The following KAT6B variants were observed in gnomAD, a reference collection of about 807,000 sequenced individuals.
KAT6B encodes histone acetyltransferase KAT6B.
KAT6B carries 10 observed loss-of-function variants against 187.5 expected under a neutral mutation model. That is an observed-to-expected ratio of 0.05 (90% CI 0.03 to 0.09). The LOEUF (loss-of-function observed/expected upper bound fraction) is 0.09, where lower values mean the gene tolerates loss of function less well. KAT6B is among the 10% of genes least tolerant of loss of function. The pLI, the probability that KAT6B is intolerant of heterozygous loss-of-function variation, is 1.00. For missense variants in KAT6B, 1,952 were observed against 2,558.9 expected (o/e 0.76, Z 5.12); for synonymous variants, 861 against 926.8 (o/e 0.93, Z 1.29).
chr10:75,010,210 A>G (rs1844500916), intron 13 of KAT6B, among the ~76,000 whole-genome samples: 2 of 152,218 alleles, frequency 1.3e-5, no homozygotes, highest in African/African-American at 4.8e-5. Context: ...AGCATTTGGG[A>G]GATAAATAAA....
chr10:74,853,234 A>G (rs1243018846), intron 3 of KAT6B, among the ~76,000 whole-genome samples: 1 of 144,418 alleles, frequency 6.9e-6, no homozygotes, highest in Non-Finnish European at 1.5e-5. Flanking sequence ...TGATCCTCCC[A>G]CCTCAGCCTC....
intron 3 of KAT6B, among the ~76,000 whole-genome samples, chr10:74,875,683 C>CTCGA (rs1210386825): frequency 6.6e-6 from 1 of 152,100 alleles, no homozygotes; most frequent in East Asian, 1.9e-4. Flanking sequence ...CCAGGCTGAT[C>CTCGA]TCGAACTCCT....
intron 3 of KAT6B, among the ~76,000 whole-genome samples, chr10:74,938,707 CT>C (rs747676160): frequency 5.9e-5 from 9 of 152,040 alleles, no homozygotes; most frequent in Non-Finnish European, 1.0e-4. Flanking sequence ...TTCCTGTTAA[CT>C]CATGGTCTCA....
intron 13 of KAT6B, among the ~76,000 whole-genome samples, chr10:75,016,507 G>C (rs978082334): frequency 6.6e-6 from 1 of 152,212 alleles, no homozygotes; most frequent in Non-Finnish European, 1.5e-5. Flanking sequence ...CTTTTGCTAC[G>C]ATCAAGATAG....
chr10:75,014,796 G>A (rs991183147), intron 13 of KAT6B, among the ~76,000 whole-genome samples: 1 of 152,158 alleles, frequency 6.6e-6, no homozygotes, highest in African/African-American at 2.4e-5. Context: ...TGCACGAAGC[G>A]ATTTGGCAAC....
intron 4 of KAT6B, among the ~76,000 whole-genome samples, chr10:74,968,759 A>G (rs537941640): frequency 6.6e-6 from 1 of 152,276 alleles, no homozygotes; most frequent in South Asian, 2.1e-4. Flanking sequence ...GTGATAAAAG[A>G]CCATTAGATT....
At chr10:74,873,450 AAAATAAATAAAT>A (rs143022282) in intron 3 of KAT6B, among the ~76,000 whole-genome samples, 2 of 149,450 alleles carry the variant, frequency 1.3e-5, no homozygotes, top group African/African-American at 2.5e-5. Flanking sequence ...GAGCAGCAGC[AAAATAAATAAAT>A]AAATAAATAA....
At chr10:75,026,909 G>A (rs1469979301) in intron 17 of KAT6B, among the ~76,000 whole-genome samples, 1 of 152,146 alleles carries the variant, frequency 6.6e-6, no homozygotes, top group Non-Finnish European at 1.5e-5. Context: ...GCCGAGGTAG[G>A]CAGATCACCT....
Position 75,021,835 on chromosome 10 carries a change from T to G in KAT6B, c.3022-46T>G, listed in dbSNP as rs778223608. 5 of 1,608,458 alleles carry G rather than the reference T, an allele frequency of 3.1e-6. No homozygotes were observed. The East Asian group carries it at 8.9e-5, about 29-fold the overall frequency. On this transcript the variant is annotated intron_variant, in intron 15 of 17. Transcript: ENST00000287239. ...CATTGATCCTCAGAGGCTCTGGCTG[T>G]GTAACTGCCCTCTCACTGGCCACCA... is the stretch of plus-strand genomic sequence containing the variant.
Position 74,925,132 on chromosome 10 carries a change from C to T in KAT6B, c.622-34838C>T, listed in dbSNP as rs573459743. On this transcript the variant is annotated intron_variant, in intron 3 of 17. Transcript: ENST00000287239. Reference sequence around the variant, plus strand: ...TCGGCTCACTGCAACCTCTGCCTCCCGGGTTCAAGCAATTCTCCCTACCTC... The same window carrying T: ...TCGGCTCACTGCAACCTCTGCCTCCTGGGTTCAAGCAATTCTCCCTACCTC... Among the ~76,000 whole-genome samples, 6 of 152,230 alleles carry T rather than the reference C, an allele frequency of 3.9e-5. No individual in the cohort carries two copies. The South Asian group carries it at 8.3e-4, about 21-fold the overall frequency.
intron 4 of KAT6B, among the ~76,000 whole-genome samples, chr10:74,964,122 ACT>A (rs1841296786): frequency 6.6e-6 from 1 of 152,094 alleles, no homozygotes; most frequent in Non-Finnish European, 1.5e-5. Flanking sequence ...CAAGAGTGAA[ACT>A]CTGTCTCAAA....
intron 13 of KAT6B, among the ~76,000 whole-genome samples, chr10:75,017,443 G>A (rs1444897336): frequency 1.3e-5 from 2 of 152,126 alleles, no homozygotes; most frequent in Non-Finnish European, 1.5e-5. Context: ...GTGAAACCCT[G>A]TCTCTACTAA....
Position 75,030,839 on chromosome 10 carries a change from C to T in KAT6B, c.6015C>T (p.Gly2005=). The change falls in exon 18 of 18, where the codon GGC becomes GGT. Residue 2005 remains glycine, a synonymous_variant. Transcript: ENST00000287239. This position sits in a 1 kb window ranked among gnomAD's most constrained non-coding sequence, Gnocchi z 4.8. ...TGTCCCAGCCAATGATGAACAGTGG[C>T]TACCACAGCAATCATGGCTATATGA... is the stretch of plus-strand genomic sequence containing the variant. ...YSMSQPMMNS[G]YHSNHGYMNQ... 6.2e-7 allele frequency: 1 copy of T among 1,614,212 alleles called. No individual in the cohort carries two copies. The highest frequency in any genetic ancestry group is 1.1e-5 in the South Asian group (1 of 91,090).
At chr10:74,936,808 G>A (rs1849309628) in intron 3 of KAT6B, among the ~76,000 whole-genome samples, 1 of 152,014 alleles carries the variant, frequency 6.6e-6, no homozygotes, top group African/African-American at 2.4e-5. Context: ...TTTTTATTTT[G>A]TTTATGCACT....
At chr10:74,919,305 T>C (rs1847941236) in intron 3 of KAT6B, among the ~76,000 whole-genome samples, 1 of 152,216 alleles carries the variant, frequency 6.6e-6, no homozygotes, top group Non-Finnish European at 1.5e-5. Flanking sequence ...CAGATTTATT[T>C]TTATTTATTC....
At position 74,921,327 on chromosome 10, in the gene KAT6B, C is replaced by T. The variant is rs191430325; in HGVS notation, c.622-38643C>T. On this transcript the variant is annotated intron_variant, in intron 3 of 17. Transcript: ENST00000287239. ...CAAGATTTTATCATGTTGGCCAGGCCGGTCTGGAACTCCTGACCTCAGGTG... is the reference window on the plus strand; with the variant it reads ...CAAGATTTTATCATGTTGGCCAGGCTGGTCTGGAACTCCTGACCTCAGGTG... 5.1e-3 allele frequency among the ~76,000 whole-genome samples: 776 copies of T among 151,938 alleles called. 6 individuals are homozygous for T. The highest frequency in any genetic ancestry group is 7.3e-3 in the Non-Finnish European group (498 of 67,910).
Position 74,838,723 on chromosome 10 carries a change from A to G in KAT6B, c.-288A>G, listed in dbSNP as rs1251425626. ...TGGATAATCTCCATTTTTGTCATGGACTGTTAAAACGTTTGAAGTTCCAAT... is the reference window on the plus strand; with the variant it reads ...TGGATAATCTCCATTTTTGTCATGGGCTGTTAAAACGTTTGAAGTTCCAAT... On this transcript the variant is annotated 5_prime_UTR_variant, in exon 2 of 18. Transcript: ENST00000287239. 2.0e-5 allele frequency: 3 copies of G among 152,162 alleles called. No homozygotes were observed. The highest frequency in any genetic ancestry group is 1.5e-5 in the Non-Finnish European group (1 of 68,024). The allele number at this position is 152,162 out of a possible 1,614,324, so 9.4% of individuals were successfully genotyped here.
chr10:74,926,709 A>T (rs1452242885), intron 3 of KAT6B, among the ~76,000 whole-genome samples: 1 of 152,318 alleles, frequency 6.6e-6, no homozygotes, highest in South Asian at 2.1e-4. Context: ...AAGGGCAAGG[A>T]CCAAATTACG....
chr10:74,942,710 AG>A (rs1849764394), intron 3 of KAT6B, among the ~76,000 whole-genome samples: 1 of 139,060 alleles, frequency 7.2e-6, no homozygotes, highest in Non-Finnish European at 1.5e-5. Context: ...GGTTGCAGTG[AG>A]CCGAGATCGT....
Sources: allele counts gnomAD v4.1 joint callset (sites outside exome capture counted in the v4.1 genomes callset), GRCh38; gene constraint gnomAD v4.1.1; non-coding constraint Gnocchi (gnomAD v3.1); transcripts MANE v1.5; gene names NCBI Gene and HGNC (gene_info 2026-07-23, HGNC 2026-07-21).